The following ST8SIA1 variants were observed in gnomAD, a reference collection of about 807,000 sequenced individuals.
The protein encoded by ST8SIA1 is ST8 alpha-N-acetyl-neuraminide alpha-2,8-sialyltransferase 1, also known as alpha-N-acetylneuraminide alpha-2,8-sialyltransferase.
A neutral mutation model predicts 35.9 loss-of-function variants in ST8SIA1; 16 were observed. That is an observed-to-expected ratio of 0.45 (90% confidence interval 0.30 to 0.68). The LOEUF is 0.68. ST8SIA1 is among the 30% of genes least tolerant of loss of function. ST8SIA1 has a pLI of 0.09. For synonymous variants in ST8SIA1, 170 were observed against 169.6 expected (o/e 1.00, Z -0.02); for missense variants, 383 against 453.6 (o/e 0.84, Z 1.41).
intron 4 of ST8SIA1, among the ~76,000 whole-genome samples, chr12:22,226,097 G>A (rs977088276): frequency 6.6e-6 from 1 of 152,044 alleles, no homozygotes. Context: ...CAGCTGTAGT[G>A]CATATTCATA....
At chr12:22,297,385 G>A (rs370149873) in intron 1 of ST8SIA1, among the ~76,000 whole-genome samples, 100 of 150,598 alleles carry the variant, frequency 6.6e-4, no homozygotes, top group African/African-American at 2.3e-3. Flanking sequence ...GGACAGTAGC[G>A]TCTGTCCTGA....
At chr12:22,315,769 TAAA>T (rs34854158) in intron 1 of ST8SIA1, among the ~76,000 whole-genome samples, 53 of 129,068 alleles carry the variant, frequency 4.1e-4, no homozygotes, top group Non-Finnish European at 5.1e-4. Flanking sequence ...CCCCTTAATG[TAAA>T]AAAAAAAAAA....
At chr12:22,217,632 T>C (rs1477667703) in intron 4 of ST8SIA1, among the ~76,000 whole-genome samples, 1 of 152,222 alleles carries the variant, frequency 6.6e-6, no homozygotes, top group Non-Finnish European at 1.5e-5. Flanking sequence ...TAGCGTGTAT[T>C]TCATAGGGCT....
At position 22,198,864 on chromosome 12, in the gene ST8SIA1, T is replaced by G. The variant is rs772826359; in HGVS notation, c.*2688A>C. On this transcript the variant is annotated 3_prime_UTR_variant, in exon 5 of 5. Coordinates refer to ENST00000396037, the MANE Select transcript of ST8SIA1 (RefSeq NM_003034.4). ...AAGATCTTTAGCAGGATCCCTAACC[T>G]CTACTAAGTACATGCTATTAGCACC... is the stretch of plus-strand genomic sequence containing the variant. 1 of 152,094 alleles carries G rather than the reference T, an allele frequency of 6.6e-6. No homozygotes were observed. 9.4% of individuals were successfully genotyped at this position (152,094 alleles called of 1,614,324 possible).
chr12:22,295,417 G>A (rs1866232128), intron 1 of ST8SIA1, among the ~76,000 whole-genome samples: 1 of 152,096 alleles, frequency 6.6e-6, no homozygotes, highest in Admixed American at 6.6e-5. Flanking sequence ...CATAAGAAAA[G>A]TAGGACTCAA....
At chr12:22,251,444 T>C (rs1865668616) in intron 3 of ST8SIA1, among the ~76,000 whole-genome samples, 1 of 152,206 alleles carries the variant, frequency 6.6e-6, no homozygotes, top group African/African-American at 2.4e-5. Context: ...ACATTTTATA[T>C]GAATTTTGAT....
intron 4 of ST8SIA1, among the ~76,000 whole-genome samples, chr12:22,246,584 C>T (rs1865605737): frequency 6.6e-6 from 1 of 152,040 alleles, no homozygotes; most frequent in African/African-American, 2.4e-5. Flanking sequence ...AAGAGCCAGA[C>T]CCCCCAACCC....
intron 4 of ST8SIA1, among the ~76,000 whole-genome samples, chr12:22,246,593 C>T (rs1865606058): frequency 6.6e-6 from 1 of 152,034 alleles, no homozygotes; most frequent in South Asian, 2.1e-4. Context: ...ACCCCCCAAC[C>T]CTGGTTCTTT....
rs559245603 is a variant in ST8SIA1 at position 22,235,961 on chromosome 12, C to T, written c.584+13045G>A. The stretch of plus-strand genomic sequence containing the variant: ...GTCACATACAAAACTGACAAAAATG[C>T]ATGGCTACATTAGAAATCTGAAGAG... On this transcript the variant is annotated intron_variant, in intron 4 of 4. Transcript: ENST00000396037. Among the ~76,000 whole-genome samples the T allele has an allele frequency of 8.5e-5, 13 of 152,120 alleles. No individual in the cohort carries two copies. In the South Asian group the frequency reaches 2.7e-3, roughly 32 times the overall value.
Position 22,249,012 on chromosome 12 carries a change from C to T in ST8SIA1, c.578G>A (p.Arg193Gln), listed in dbSNP as rs1317393088. Residue 193 changes from arginine (R) to glutamine (Q), a missense_variant, in exon 4 of 5, where the codon CGG (arginine) becomes CAG (glutamine). Coordinates refer to ENST00000396037, the MANE Select transcript of ST8SIA1 (RefSeq NM_003034.4). ...QLVTANPSII[R>Q]QRFQNLLWSR... ...AGAAGTCATAAACTCTTACCTTTGCCGAATTATGCTGGGATTAGCTGTCAC... is the reference window on the plus strand; with the variant it reads ...AGAAGTCATAAACTCTTACCTTTGCTGAATTATGCTGGGATTAGCTGTCAC... The T allele has an allele frequency of 9.9e-6, 16 of 1,612,436 alleles. No individual in the cohort carries two copies. The highest frequency in any genetic ancestry group is 8.9e-5 in the East Asian group (4 of 44,842).
chr12:22,313,409 T>C (rs745563606), intron 1 of ST8SIA1, among the ~76,000 whole-genome samples: 103 of 151,700 alleles, frequency 6.8e-4, no homozygotes, highest in Non-Finnish European at 9.9e-4. Flanking sequence ...ATGAAGGAAA[T>C]AGGAAAGGAA....
chr12:22,220,312 T>C (rs1264389601), intron 4 of ST8SIA1, among the ~76,000 whole-genome samples: 1 of 152,164 alleles, frequency 6.6e-6, no homozygotes, highest in East Asian at 1.9e-4. Context: ...AAATATATTA[T>C]TTGTAGAGAA....
chr12:22,248,801 A>G (rs140557456), intron 4 of ST8SIA1: 1 of 502,762 alleles, frequency 2.0e-6, no homozygotes, highest in East Asian at 3.1e-5. Flanking sequence ...AAGGCAAGAA[A>G]CAGAATCCCA....
intron 1 of ST8SIA1, among the ~76,000 whole-genome samples, chr12:22,304,602 T>C (rs1474133471): frequency 2.0e-5 from 3 of 152,212 alleles, no homozygotes; most frequent in African/African-American, 7.2e-5. Context: ...TATTTTGTTA[T>C]CTGATTTATT....
intron 4 of ST8SIA1, among the ~76,000 whole-genome samples, chr12:22,219,389 T>C (rs1225393643): frequency 6.6e-6 from 1 of 152,168 alleles, no homozygotes; most frequent in Non-Finnish European, 1.5e-5. Flanking sequence ...CTGAGAAGGG[T>C]GTGAAGACAG....
At chr12:22,272,673 G>A (rs1865924942) in intron 2 of ST8SIA1, among the ~76,000 whole-genome samples, 1 of 152,210 alleles carries the variant, frequency 6.6e-6, no homozygotes, top group African/African-American at 2.4e-5. Flanking sequence ...CCAGTCATTC[G>A]CTTTGTGGGA....
At chr12:22,265,777 G>T (rs1865840458) in intron 2 of ST8SIA1, among the ~76,000 whole-genome samples, 1 of 151,786 alleles carries the variant, frequency 6.6e-6, no homozygotes, top group Admixed American at 6.6e-5. Context: ...TGTAACTATT[G>T]TTTAAAATGG....
At chr12:22,238,169 C>CA (rs1555156082) in intron 4 of ST8SIA1, among the ~76,000 whole-genome samples, 1 of 151,994 alleles carries the variant, frequency 6.6e-6, no homozygotes, top group African/African-American at 2.4e-5. Flanking sequence ...GAACTCCCCC[C>CA]CCAACAAGAG....
chr12:22,210,304 G>A (rs1201994591), intron 4 of ST8SIA1, among the ~76,000 whole-genome samples: 37 of 152,020 alleles, frequency 2.4e-4, no homozygotes, highest in Non-Finnish European at 5.9e-5. Flanking sequence ...TACACATAAA[G>A]CTGAAAAAAA....
Sources: gnomAD v4.1 joint callset for allele counts (sites outside exome capture counted in the v4.1 genomes callset) on GRCh38, gnomAD v4.1.1 for gene constraint, MANE v1.5 for transcripts, NCBI Gene and HGNC (gene_info 2026-07-23, HGNC 2026-07-21) for gene names.